VAMP4: variants seen among roughly 807,000 people sequenced by gnomAD.
VAMP4 encodes vesicle associated membrane protein 4, also known as vesicle-associated membrane protein 4.
In VAMP4, 19 loss-of-function variants were observed where a neutral mutation model predicts 23.5. The ratio of observed to expected loss-of-function variants is 0.81; its 90% CI spans 0.56 to 1.19. VAMP4 has a LOEUF of 1.19. VAMP4 is among the 50% of genes most tolerant of loss of function. The pLI is 0.00. For missense variants in VAMP4, 145 were observed against 168.6 expected (o/e 0.86, Z 0.78); for synonymous variants, 31 against 51.0 (o/e 0.61, Z 1.67).
rs1654472447 is a variant in VAMP4, at chr1:171,702,142, G to C, written c.*2364C>G. On this transcript the variant is annotated 3_prime_UTR_variant, in exon 8 of 8. Transcript: ENST00000236192. ...ATAAAGGTAGGCCTGGCATCAGTTT[G>C]AACAATATATTTTTTTCTTCTGTTT... 6.6e-6 allele frequency: 1 copy of C among 151,994 alleles called. No individual in the cohort carries two copies. Among genetic ancestry groups the C allele is most frequent in the African/African-American group, 2.4e-5 (1 of 41,436 alleles). The allele number at this position is 151,994 out of a possible 1,614,324, so 9.4% of individuals were successfully genotyped here. A position where few individuals can be genotyped will look rare whatever the true frequency, so the allele number is the denominator to read the frequency against.
intron 3 of VAMP4, among the ~76,000 whole-genome samples, chr1:171,726,527 A>G (rs567364872): frequency 6.6e-6 from 1 of 152,350 alleles, no homozygotes; most frequent in East Asian, 1.9e-4. Flanking sequence ...TGATCAGGTC[A>G]ACTAATTTTT....
intron 3 of VAMP4, among the ~76,000 whole-genome samples, chr1:171,719,948 A>G (rs527919054): frequency 6.6e-4 from 101 of 152,100 alleles, no homozygotes; most frequent in African/African-American, 2.2e-3. Flanking sequence ...AAAACTCAAA[A>G]GAAACCAGGT....
In VAMP4 at chr1:171,710,696, A is replaced by G. The variant is rs757028862; in HGVS notation, c.265+18T>C. The G allele has an allele frequency of 1.9e-6, 3 of 1,550,960 alleles. No homozygotes were observed. The highest frequency in any genetic ancestry group is 2.6e-6 in the Non-Finnish European group (3 of 1,134,636). ...GCAAACAGATTAGTAATATCAAGAA[A>G]TACATGAAGATCTGTACCTGATTTG... On this transcript the variant is annotated intron_variant, in intron 5 of 7. Coordinates refer to ENST00000236192, the MANE Select transcript of VAMP4 (RefSeq NM_003762.5).
chr1:171,705,472 A>G (rs1654619999), intron 7 of VAMP4, among the ~76,000 whole-genome samples: 1 of 152,184 alleles, frequency 6.6e-6, no homozygotes, highest in African/African-American at 2.4e-5. Flanking sequence ...TGAAATAAAA[A>G]GGCAGAAATG....
At position 171,700,548 on chromosome 1, in the gene VAMP4, A is replaced by T. The variant is rs1654393789; in HGVS notation, c.*3958T>A. ...TTTGATTTTAAGACTACTTTAAATGAAAAGAACCTAATGGAATACCATAAA... is the reference window on the plus strand; with the variant it reads ...TTTGATTTTAAGACTACTTTAAATGTAAAGAACCTAATGGAATACCATAAA... On this transcript the variant is annotated 3_prime_UTR_variant, in exon 8 of 8. Transcript: ENST00000236192. The T allele has an allele frequency of 1.3e-5, 2 of 152,224 alleles. No homozygotes were observed. The highest frequency in any genetic ancestry group is 4.8e-5 in the African/African-American group (2 of 41,454). The allele number at this position is 152,224 out of a possible 1,614,324, so 9.4% of individuals were successfully genotyped here. A position where few individuals can be genotyped will look rare whatever the true frequency, so the allele number is the denominator to read the frequency against.
intron 2 of VAMP4, among the ~76,000 whole-genome samples, chr1:171,733,544 A>T (rs150725325): frequency 1.4e-4 from 21 of 152,336 alleles, no homozygotes; most frequent in Admixed American, 7.8e-4. Context: ...ATAATTGTAC[A>T]CTGAGAAACA....
intron 2 of VAMP4, among the ~76,000 whole-genome samples, chr1:171,737,786 T>C (rs1175070201): frequency 4.6e-5 from 7 of 152,308 alleles, no homozygotes; most frequent in South Asian, 4.1e-4. Flanking sequence ...GAATAAGATA[T>C]TGTGTATTTG....
In VAMP4 at chr1:171,703,448, T is replaced by TAC. The variant is rs1336208427; in HGVS notation, c.*1057_*1058insGT. ...GTGTATATATATATATATATATATA[T>TAC]ATATATATATATATATATATACACA... On this transcript the variant is annotated 3_prime_UTR_variant, in exon 8 of 8. Transcript: ENST00000236192. 1 of 98,010 alleles carries TAC rather than the reference T, an allele frequency of 1.0e-5. No individual in the cohort carries two copies. Among genetic ancestry groups the TAC allele is most frequent in the Non-Finnish European group, 2.3e-5 (1 of 43,580 alleles). 6.1% of individuals were successfully genotyped at this position (98,010 alleles called of 1,614,324 possible).
chr1:171,714,783 G>A (rs970075383), intron 4 of VAMP4, among the ~76,000 whole-genome samples: 1 of 152,000 alleles, frequency 6.6e-6, no homozygotes, highest in Non-Finnish European at 1.5e-5. Context: ...GAAAAAAAAA[G>A]TTATTATTAT....
At chr1:171,737,729 T>C (rs1655788642) in intron 2 of VAMP4, among the ~76,000 whole-genome samples, 1 of 152,216 alleles carries the variant, frequency 6.6e-6, no homozygotes, top group South Asian at 2.1e-4. Flanking sequence ...CATAATATGT[T>C]CTTAACTTTC....
Position 171,703,423 on chromosome 1 carries a change from G to GTATATATATA in VAMP4, c.*1082_*1083insTATATATATA, listed in dbSNP as rs1404198626. 3 of 81,930 alleles carry GTATATATATA rather than the reference G, an allele frequency of 3.7e-5. No individual in the cohort carries two copies. Among genetic ancestry groups the GTATATATATA allele is most frequent in the African/African-American group, 4.8e-5 (1 of 20,680 alleles). 5.1% of individuals were successfully genotyped at this position (81,930 alleles called of 1,614,324 possible). On this transcript the variant is annotated 3_prime_UTR_variant, in exon 8 of 8. Transcript: ENST00000236192. ...TGTGTGTGTGTGTGTGTGTGTTTGTGTGTATATATATATATATATATATAT... is the reference window on the plus strand; with the variant it reads ...TGTGTGTGTGTGTGTGTGTGTTTGTGTATATATATATGTATATATATATATATATATATAT...
intron 4 of VAMP4, 113 bp downstream of exon 4, chr1:171,719,058 A>C: frequency 1.2e-6 from 1 of 866,678 alleles, no homozygotes; most frequent in Non-Finnish European, 1.8e-6. Context: ...GTTCCAATAA[A>C]ACTTTATTTA....
At chr1:171,704,911 A>G (rs1046078902) in intron 7 of VAMP4, among the ~76,000 whole-genome samples, 2 of 152,046 alleles carry the variant, frequency 1.3e-5, no homozygotes, top group Non-Finnish European at 2.9e-5. Context: ...AGTATATATA[A>G]TAGTTATATT....
At chr1:171,739,838 T>C (rs564288153) in intron 1 of VAMP4, among the ~76,000 whole-genome samples, 1 of 152,334 alleles carries the variant, frequency 6.6e-6, no homozygotes, top group African/African-American at 2.4e-5. Context: ...ACAGAATGAC[T>C]CACATCCTGT....
intron 2 of VAMP4, among the ~76,000 whole-genome samples, chr1:171,729,902 G>C (rs1195865146): frequency 1.3e-5 from 2 of 152,148 alleles, no homozygotes; most frequent in African/African-American, 2.4e-5. Flanking sequence ...CGGATCTTGA[G>C]AAGAAAAGAT....
chr1:171,723,442 C>A (rs768683272), intron 3 of VAMP4, among the ~76,000 whole-genome samples: 12 of 152,142 alleles, frequency 7.9e-5, no homozygotes, highest in Non-Finnish European at 1.8e-4. Flanking sequence ...ATTTTAGAAA[C>A]CTCCCCTAGG....
intron 4 of VAMP4, among the ~76,000 whole-genome samples, chr1:171,713,309 C>A (rs1654913678): frequency 6.6e-6 from 1 of 151,298 alleles, no homozygotes; most frequent in African/African-American, 2.4e-5. Context: ...TTGTCATATG[C>A]AAGTGACGAT....
At chr1:171,705,406 A>C (rs371904063) in intron 7 of VAMP4, among the ~76,000 whole-genome samples, 2 of 152,156 alleles carry the variant, frequency 1.3e-5, no homozygotes, top group African/African-American at 4.8e-5. Flanking sequence ...AAGCACAACA[A>C]TGCAGAAAAT....
At chr1:171,704,588 T>C (rs1425080327) in intron 7 of VAMP4, 54 bp from the exon 8 acceptor site, 3 of 1,357,800 alleles carry the variant, frequency 2.2e-6, no homozygotes, top group African/African-American at 1.5e-5. Flanking sequence ...ATATATGCTA[T>C]GTTTGAAGCA....
Sources: allele counts gnomAD v4.1 joint callset (sites outside exome capture counted in the v4.1 genomes callset), GRCh38; gene constraint gnomAD v4.1.1; transcripts MANE v1.5; gene names NCBI Gene and HGNC (gene_info 2026-07-23, HGNC 2026-07-21).